The following MYO5B variants were observed in gnomAD, a reference collection of about 807,000 sequenced individuals.
MYO5B encodes unconventional myosin-Vb.
A neutral mutation model predicts 229.3 loss-of-function variants in MYO5B; 143 were observed. The observed-to-expected ratio is 0.62, with a 90% CI of 0.54 to 0.72. The LOEUF is 0.72. MYO5B is among the 30% of genes least tolerant of loss of function. The probability of loss-of-function intolerance (pLI) is 0.00; values close to 1 mark genes in which losing one functional copy is unlikely to be tolerated. For missense variants in MYO5B, 2,321 were observed against 2,331.0 expected, an observed-to-expected ratio of 1.00 and a Z score of 0.09; for synonymous variants, 918 against 885.2, an observed-to-expected ratio of 1.04 and a Z score of -0.66.
At chr18:50,122,792 C>A (rs1453428654) in intron 1 of MYO5B, among the ~76,000 whole-genome samples, 2 of 151,906 alleles carry the variant, frequency 1.3e-5, no homozygotes, top group Non-Finnish European at 2.9e-5. Context: ...AGGATGGCCT[C>A]AATAAAAAAT....
At chr18:50,077,502 A>AACACAC (rs60086500) in intron 1 of MYO5B, among the ~76,000 whole-genome samples, 12,100 of 133,454 alleles carry the variant, frequency 0.091, 668 homozygotes, top group Non-Finnish European at 0.13. Flanking sequence ...CACACACACA[A>AACACAC]ACACACACAC....
At chr18:49,877,658 G>C in intron 25 of MYO5B, 105 bp downstream of exon 25, 1 of 1,503,258 alleles carries the variant, frequency 6.7e-7, no homozygotes, top group Non-Finnish European at 9.2e-7. Context: ...TGGGCACTCT[G>C]GTCACCATCA....
At chr18:49,924,085 A>G (rs1020603209) in intron 17 of MYO5B, among the ~76,000 whole-genome samples, 1 of 152,106 alleles carries the variant, frequency 6.6e-6, no homozygotes, top group Non-Finnish European at 1.5e-5. Flanking sequence ...ACTTCTTTAC[A>G]TGTTTTTTAA....
intron 5 of MYO5B, among the ~76,000 whole-genome samples, chr18:49,997,757 C>T (rs2026004980): frequency 6.6e-6 from 1 of 152,106 alleles, no homozygotes; most frequent in South Asian, 2.1e-4. Context: ...CCAACAACTG[C>T]CACTTAGCAT....
chr18:49,929,838 A>G (rs980993292), intron 16 of MYO5B, among the ~76,000 whole-genome samples: 2 of 152,004 alleles, frequency 1.3e-5, no homozygotes, highest in Non-Finnish European at 2.9e-5. Context: ...TTTTGTGCAC[A>G]TTCTCATTAT....
chr18:50,045,163 G>C (rs978054377), intron 2 of MYO5B, among the ~76,000 whole-genome samples: 2 of 152,246 alleles, frequency 1.3e-5, no homozygotes, highest in Middle Eastern at 3.4e-3. Flanking sequence ...TTATAGGAGT[G>C]ACATGTACCC....
intron 17 of MYO5B, 53 bp from the exon 18 acceptor site, chr18:49,912,226 CA>C: frequency 7.1e-7 from 1 of 1,403,422 alleles, no homozygotes; most frequent in Non-Finnish European, 1.0e-6. Context: ...CTTGGCCACA[CA>C]AAAGCCAGGC....
intron 27 of MYO5B, 82 bp from the exon 28 acceptor site, chr18:49,864,462 T>C (rs1407558442): frequency 5.8e-6 from 9 of 1,564,018 alleles, no homozygotes; most frequent in Non-Finnish European, 7.8e-6. Flanking sequence ...CCTCCCCTTC[T>C]TTTGTCCACT....
chr18:49,881,679 G>A (rs2144109752), intron 22 of MYO5B, among the ~76,000 whole-genome samples: 1 of 147,034 alleles, frequency 6.8e-6, no homozygotes, highest in South Asian at 2.3e-4. Flanking sequence ...TTGGGTGCCT[G>A]TAGTCCCAGC....
chr18:50,180,506 C>T (rs2033057985), intron 1 of MYO5B, among the ~76,000 whole-genome samples: 1 of 152,220 alleles, frequency 6.6e-6, no homozygotes, highest in African/African-American at 2.4e-5. Flanking sequence ...AGTCCTCCTT[C>T]CCACCTACCC....
intron 4 of MYO5B, among the ~76,000 whole-genome samples, chr18:50,028,269 G>C (rs1229813213): frequency 1.3e-5 from 2 of 152,146 alleles, no homozygotes; most frequent in Non-Finnish European, 2.9e-5. Context: ...TGGAAATTTA[G>C]TGGCTTGTAA....
At chr18:49,990,418 G>T (rs190051406) in intron 7 of MYO5B, 21 bp downstream of exon 7, 169 of 1,601,306 alleles carry the variant, frequency 1.1e-4, no homozygotes, top group Non-Finnish European at 1.4e-4. Flanking sequence ...CCAGAGGATA[G>T]GCATGCACCT....
chr18:50,014,295 A>C (rs1309691525), intron 4 of MYO5B, among the ~76,000 whole-genome samples: 1 of 13,828 alleles, frequency 7.2e-5, no homozygotes, highest in African/African-American at 9.1e-5. Context: ...AAAAAAAAAA[A>C]ACTACGGGTA....
chr18:50,132,281 C>A (rs115347082), intron 1 of MYO5B, among the ~76,000 whole-genome samples: 3 of 152,218 alleles, frequency 2.0e-5, no homozygotes, highest in South Asian at 2.1e-4. Flanking sequence ...AATGGTTACA[C>A]GTCAAGTGCT....
chr18:49,894,749 C>A (rs1053038293), intron 22 of MYO5B, among the ~76,000 whole-genome samples, 192 bp downstream of exon 22: 2 of 152,236 alleles, frequency 1.3e-5, no homozygotes, highest in Non-Finnish European at 2.9e-5. Context: ...ACAGCAGAAG[C>A]GCAGTCATGC....
chr18:49,883,437 A>G (rs1787615), intron 22 of MYO5B, among the ~76,000 whole-genome samples: 89,976 of 150,378 alleles, frequency 0.6, 26,929 homozygotes, highest in Middle Eastern at 0.67. Context: ...CAAGAGAAGT[A>G]TAAAATTCAT....
intron 18 of MYO5B, among the ~76,000 whole-genome samples, chr18:49,910,697 T>C (rs2024948284): frequency 6.6e-6 from 1 of 152,204 alleles, no homozygotes; most frequent in African/African-American, 2.4e-5. Flanking sequence ...CTTGAGCAGC[T>C]AAGATGATGC....
intron 12 of MYO5B, among the ~76,000 whole-genome samples, chr18:49,961,750 C>T (rs1007961486): frequency 1.3e-5 from 2 of 152,204 alleles, no homozygotes; most frequent in Admixed American, 1.3e-4. Context: ...CTTACCCTCC[C>T]AATGCTGCCA....
chr18:49,984,738 C>A lies in MYO5B; in HGVS notation c.926G>T (p.Arg309Leu), dbSNP rs200142429. 1 of 1,612,662 alleles carries A rather than the reference C, an allele frequency of 6.2e-7. No individual in the cohort carries two copies. The change falls in exon 8 of 40, where the codon CGA becomes CTA. Residue 309 changes from arginine to leucine, a missense_variant. By Grantham distance (102) the Arg-to-Leu change is moderately radical (BLOSUM62 -2). Around this residue, in one of 2 missense-constraint regions of MYO5B, gnomAD observed 2,113 missense variants for 2,044.7 expected, o/e 1.03. Transcript: ENST00000285039. ...VDDAEDFEKTRQAFTLLGVKE... is the reference protein window; with the variant it reads ...VDDAEDFEKTLQAFTLLGVKE... Reference sequence around the variant, plus strand: ...CTTACCGAGGAGTGTGAAGGCTTGTCGAGTCTTCTCAAAGTCCTCAGCATC... The same window carrying A: ...CTTACCGAGGAGTGTGAAGGCTTGTAGAGTCTTCTCAAAGTCCTCAGCATC...
Sources: gnomAD v4.1 joint callset for allele counts (sites outside exome capture counted in the v4.1 genomes callset) on GRCh38, gnomAD v4.1.1 for gene constraint, gnomAD v4.1.1 regional missense constraint, MANE v1.5 for transcripts, NCBI Gene and HGNC (gene_info 2026-07-23, HGNC 2026-07-21) for gene names.